The following MGAM2 variants were observed in gnomAD, a reference collection of about 807,000 sequenced individuals.
The protein encoded by MGAM2 is probable maltase-glucoamylase 2.
In MGAM2, 98 loss-of-function variants were observed where a neutral mutation model predicts 96.1. The ratio of observed to expected loss-of-function variants is 1.02; its 90% CI spans 0.87 to 1.21. MGAM2 has a LOEUF of 1.21. Among genes scored for constraint, MGAM2 ranks in the 50% most tolerant of loss-of-function variants. The pLI is 0.00. For synonymous variants in MGAM2, 749 were observed against 414.8 expected (o/e 1.81, Z -9.79); for missense variants, 2,055 against 1,182.4 (o/e 1.74, Z -10.82).
At chr7:142,162,508 G>A (rs1795920201) in intron 23 of MGAM2, among the ~76,000 whole-genome samples, 1 of 152,018 alleles carries the variant, frequency 6.6e-6, no homozygotes, top group South Asian at 2.1e-4. Flanking sequence ...AAGGCCAGCA[G>A]AAAATGAGGG....
chr7:142,211,362 G>A (rs1797577275), intron 46 of MGAM2, among the ~76,000 whole-genome samples: 1 of 152,174 alleles, frequency 6.6e-6, no homozygotes, highest in South Asian at 2.1e-4. Flanking sequence ...GACAGAAATA[G>A]GCTTCAGAAG....
chr7:142,202,636 T>C (rs1797275515), intron 45 of MGAM2, among the ~76,000 whole-genome samples: 1 of 152,236 alleles, frequency 6.6e-6, no homozygotes. Flanking sequence ...TGCTGCTGCA[T>C]AGGACATGAT....
intron 23 of MGAM2, 116 bp downstream of exon 23, chr7:142,162,120 A>G: frequency 2.0e-6 from 1 of 492,012 alleles, no homozygotes; most frequent in Non-Finnish European, 3.5e-6. Flanking sequence ...TTTTACTGTC[A>G]TGATTCCAAA....
chr7:142,173,474 T>G (rs546442256), intron 31 of MGAM2, 120 bp downstream of exon 31: 96 of 594,664 alleles, frequency 1.6e-4, no homozygotes, highest in Non-Finnish European at 2.2e-4. Context: ...GCTGAATTTT[T>G]TTTCTTTGTA....
In MGAM2 at chr7:142,221,269, A is replaced by G. The variant is rs759966709; in HGVS notation, c.6758A>G (p.Asn2253Ser). ...ATMSAGNITS[N>S]SISITTTSFG... is the part of the protein sequence containing the mutation. ...ATGTCTGCTGGTAATATAACTAGTA[A>G]TAGTATTTCCATAACAACTACTTCT... Residue 2253 changes from asparagine (N) to serine (S), a missense_variant, in exon 48 of 48, where the codon AAT (asparagine) becomes AGT (serine). Physicochemically the swap from Asn to Ser is conservative, Grantham distance 46. Coordinates refer to ENST00000477922, the MANE Select transcript of MGAM2 (RefSeq NM_001293626.2). The G allele has an allele frequency of 2.0e-5, 14 of 690,758 alleles. No individual in the cohort carries two copies. Among genetic ancestry groups the G allele is most frequent in the Non-Finnish European group, 2.9e-5 (11 of 378,146 alleles). The allele number at this position is 690,758 out of a possible 1,614,324, so 42.8% of individuals were successfully genotyped here. A position where few individuals can be genotyped will look rare whatever the true frequency, so the allele number is the denominator to read the frequency against.
At chr7:142,126,022 T>C (rs1282115364) in intron 3 of MGAM2, among the ~76,000 whole-genome samples, 1 of 152,176 alleles carries the variant, frequency 6.6e-6, no homozygotes, top group Non-Finnish European at 1.5e-5. Flanking sequence ...TTTATTTTGT[T>C]TTAACGAAAA....
chr7:142,189,443 C>A lies in MGAM2; in HGVS notation c.4284C>A (p.Ser1428=). The A allele has an allele frequency of 1.3e-6, 1 of 793,278 alleles. No individual in the cohort carries two copies. The allele number at this position is 793,278 out of a possible 1,614,324, so 49.1% of individuals were successfully genotyped here. A position where few individuals can be genotyped will look rare whatever the true frequency, so the allele number is the denominator to read the frequency against. ...MESQQILPDS[S]PVEHYNVHNL... is the part of the protein sequence containing the mutation. ...GTCAGCAGATCCTGCCGGACAGCTC[C>A]CCCGTGGAGCACTACAACGTGCACA... Residue 1428 remains serine, a synonymous_variant, in exon 37 of 48, where the codon TCC becomes TCA. Transcript: ENST00000477922.
At chr7:142,217,194 A>G (rs574837849) in intron 46 of MGAM2, among the ~76,000 whole-genome samples, 77 of 152,138 alleles carry the variant, frequency 5.1e-4, no homozygotes, top group Non-Finnish European at 1.0e-3. Context: ...TTTATGTCAT[A>G]TTATTTTAAC....
intron 5 of MGAM2, among the ~76,000 whole-genome samples, 151 bp downstream of exon 5, chr7:142,131,778 T>C (rs1391949581): frequency 6.6e-6 from 1 of 152,132 alleles, no homozygotes; most frequent in African/African-American, 2.4e-5. Context: ...ATGGGGCACA[T>C]GTAATTGGGT....
intron 21 of MGAM2, among the ~76,000 whole-genome samples, chr7:142,160,633 T>C (rs2129086419): frequency 6.6e-6 from 1 of 151,272 alleles, no homozygotes; most frequent in Non-Finnish European, 1.5e-5. Flanking sequence ...CGTTTGGGGG[T>C]CAAGAGCTCA....
chr7:142,156,928 G>C (rs1039728880), intron 17 of MGAM2, among the ~76,000 whole-genome samples: 1 of 151,942 alleles, frequency 6.6e-6, no homozygotes, highest in South Asian at 2.1e-4. Flanking sequence ...TTCATCTCTG[G>C]GTCCATGGAA....
chr7:142,175,755 A>C lies in MGAM2; in HGVS notation c.3791A>C (p.Asn1264Thr). The stretch of plus-strand genomic sequence containing the variant: ...CTTCTGATTGAGCAAATGAAGAAAA[A>C]TGGCATGAGATTTATTCTCATTTTG... The part of the protein sequence containing the change: ...LSLLIEQMKK[N>T]GMRFILILDP... Residue 1264 changes from asparagine (N) to threonine (T), a missense_variant, in exon 32 of 48, where the codon AAT (asparagine) becomes ACT (threonine). Physicochemically the swap from Asn to Thr is moderately conservative, Grantham distance 65. Transcript: ENST00000477922. The C allele has an allele frequency of 2.8e-6, 2 of 702,782 alleles. No individual in the cohort carries two copies. Among genetic ancestry groups the C allele is most frequent in the Non-Finnish European group, 5.2e-6 (2 of 384,928 alleles). The allele number at this position is 702,782 out of a possible 1,614,324, so 43.5% of individuals were successfully genotyped here.
In MGAM2 at chr7:142,153,186, G is replaced by A. The variant is rs551464561; in HGVS notation, c.1635-832G>A. 2.6e-3 allele frequency among the ~76,000 whole-genome samples: 392 copies of A among 152,090 alleles called. 1 individual carries two copies. The highest frequency in any genetic ancestry group is 5.8e-3 in the Admixed American group (88 of 15,276). On this transcript the variant is annotated intron_variant, in intron 15 of 47. Transcript: ENST00000477922. ...CCAGCTAACTTCTGTATTTTTAGTA[G>A]AGATGGGGTTTCACCATGTTGGCCA...
chr7:142,163,579 C>T (rs539795861), intron 23 of MGAM2, among the ~76,000 whole-genome samples: 1 of 152,310 alleles, frequency 6.6e-6, no homozygotes, highest in South Asian at 2.1e-4. Context: ...CGTGCCTGGC[C>T]ATAAGTTTTT....
At chr7:142,185,375 A>T (rs1379119343) in intron 34 of MGAM2, among the ~76,000 whole-genome samples, 1 of 152,222 alleles carries the variant, frequency 6.6e-6, no homozygotes, top group African/African-American at 2.4e-5. Context: ...TGTGATTTTA[A>T]TGGGCTGTGA....
chr7:142,199,433 G>A (rs974701772), intron 44 of MGAM2, among the ~76,000 whole-genome samples: 26 of 151,812 alleles, frequency 1.7e-4, no homozygotes, highest in African/African-American at 6.1e-4. Context: ...CTTGGGTTTG[G>A]GAACATAAAC....
chr7:142,166,069 T>C (rs897579174), intron 24 of MGAM2, 29 bp from the exon 25 acceptor site: 3 of 656,108 alleles, frequency 4.6e-6, no homozygotes, highest in East Asian at 2.8e-5. Context: ...CCTCCCTTCC[T>C]TTGTCACTGT....
chr7:142,185,041 T>C, intron 33 of MGAM2, 36 bp from the exon 34 acceptor site: 1 of 702,432 alleles, frequency 1.4e-6, no homozygotes, highest in Non-Finnish European at 2.6e-6. Context: ...TATGCAAGGA[T>C]CTGTAAAGGT....
At chr7:142,163,048 C>A (rs1021285248) in intron 23 of MGAM2, among the ~76,000 whole-genome samples, 1 of 152,128 alleles carries the variant, frequency 6.6e-6, no homozygotes, top group Admixed American at 6.5e-5. Context: ...TGCTTGCAAC[C>A]TTTGGGATTG....
Sources: allele counts gnomAD v4.1 joint callset (sites outside exome capture counted in the v4.1 genomes callset), GRCh38; gene constraint gnomAD v4.1.1; transcripts MANE v1.5; gene names NCBI Gene and HGNC (gene_info 2026-07-23, HGNC 2026-07-21).